LCP1: variants seen among roughly 807,000 people sequenced by gnomAD.
LCP1 encodes the protein lymphocyte cytosolic protein 1, also known as plastin-2.
Under a neutral mutation model 72.0 loss-of-function variants are expected in LCP1, and 23 were observed. The observed-to-expected ratio is 0.32, with a 90% CI of 0.23 to 0.45. LCP1 has a LOEUF of 0.45. Among genes scored for constraint, LCP1 ranks in the 20% least tolerant of loss-of-function variants. LCP1 has a pLI of 1.00. For synonymous variants in LCP1, 245 were observed against 275.4 expected, an observed-to-expected ratio of 0.89 and a Z score of 1.09; for missense variants, 571 against 748.3, an observed-to-expected ratio of 0.76 and a Z score of 2.76.
At chr13:46,137,164 C>A (rs2045669651) in intron 13 of LCP1, among the ~76,000 whole-genome samples, 1 of 149,788 alleles carries the variant, frequency 6.7e-6, no homozygotes, top group Admixed American at 6.7e-5. Flanking sequence ...AACTGAGATG[C>A]AGAGGTTTGA....
chr13:46,129,839 T>G (rs949946494), intron 15 of LCP1, among the ~76,000 whole-genome samples: 1 of 152,152 alleles, frequency 6.6e-6, no homozygotes, highest in African/African-American at 2.4e-5. Context: ...TTGCTGCAGA[T>G]GTAAGTAGTT....
rs2045937516 is a variant in LCP1, at chr13:46,177,584, A to G, written c.-25+4527T>C. ...GAACCCAGGAGGCGGAGGTTTCAGTAAGCCGAGATCACGCAACTGTACTCC... is the reference window on the plus strand; with the variant it reads ...GAACCCAGGAGGCGGAGGTTTCAGTGAGCCGAGATCACGCAACTGTACTCC... On this transcript the variant is annotated intron_variant, in intron 1 of 15. Transcript: ENST00000323076. Among the ~76,000 whole-genome samples, 5 of 152,184 alleles carry G rather than the reference A, an allele frequency of 3.3e-5. No homozygotes were observed. In the South Asian group the frequency reaches 1.0e-3, roughly 32 times the overall value.
chr13:46,153,730 A>G (rs2048707636), intron 6 of LCP1, among the ~76,000 whole-genome samples: 3 of 151,958 alleles, frequency 2.0e-5, no homozygotes, highest in Admixed American at 2.0e-4. Context: ...AACGAAAATG[A>G]AAAATAGATA....
intron 13 of LCP1, among the ~76,000 whole-genome samples, chr13:46,134,963 G>A (rs976207264): frequency 1.4e-4 from 21 of 152,022 alleles, no homozygotes; most frequent in Admixed American, 1.3e-4. Flanking sequence ...CAAAAAATTA[G>A]CTGGACATGG....
intron 12 of LCP1, chr13:46,142,803 C>A: frequency 2.1e-6 from 1 of 465,870 alleles, no homozygotes; most frequent in South Asian, 1.6e-5. Context: ...GCACACATAG[C>A]AAATGGACAT....
At chr13:46,156,325 T>C (rs2045800711) in intron 5 of LCP1, 113 bp downstream of exon 5, 1 of 1,248,776 alleles carries the variant, frequency 8.0e-7, no homozygotes, top group African/African-American at 1.5e-5. Flanking sequence ...CAGAAAAGCC[T>C]TCTAGGTGCA....
intron 13 of LCP1, among the ~76,000 whole-genome samples, chr13:46,134,880 G>A (rs1350613880): frequency 6.6e-6 from 1 of 152,044 alleles, no homozygotes; most frequent in East Asian, 1.9e-4. Context: ...AAGGTGAGCA[G>A]TTCACTTGAG....
At chr13:46,129,232 C>A (rs1031476372) in intron 15 of LCP1, among the ~76,000 whole-genome samples, 1 of 152,160 alleles carries the variant, frequency 6.6e-6, no homozygotes, top group Non-Finnish European at 1.5e-5. Flanking sequence ...TTGTATCTCG[C>A]CCTCACAGGA....
Position 46,144,456 on chromosome 13 carries a change from G to A in LCP1, c.1239C>T (p.Val413=). 1 of 1,612,880 alleles carries A rather than the reference G, an allele frequency of 6.2e-7. No individual in the cohort carries two copies. Among genetic ancestry groups the A allele is most frequent in the Non-Finnish European group, 8.5e-7 (1 of 1,178,884 alleles). The change falls in exon 11 of 16, where the codon GTC becomes GTT. Residue 413 remains valine, a synonymous_variant. Coordinates refer to ENST00000323076, the MANE Select transcript of LCP1 (RefSeq NM_002298.5). Reference sequence around the variant, plus strand: ...AATATTCCTACCTGTACAAATGATTGACTCGAGGGTTAACACCCAGGGAGT... The same window carrying A: ...AATATTCCTACCTGTACAAATGATTAACTCGAGGGTTAACACCCAGGGAGT... ...WMNSLGVNPR[V]NHLYSDLSDA... is the part of the protein sequence containing the mutation.
At chr13:46,153,117 A>G (rs2045779392) in intron 6 of LCP1, 172 bp from the exon 7 acceptor site, 2 of 614,732 alleles carry the variant, frequency 3.3e-6, no homozygotes. Flanking sequence ...AGAAGAGAAA[A>G]TCCAGTAACC....
intron 15 of LCP1, 46 bp downstream of exon 15, chr13:46,130,768 G>A (rs1328638923): frequency 6.2e-7 from 1 of 1,609,692 alleles, no homozygotes; most frequent in Non-Finnish European, 8.5e-7. Context: ...CCAGCTGCCA[G>A]TTGGGTCCTT....
At position 46,150,466 on chromosome 13, in the gene LCP1, A is replaced by G. The variant is rs113959894; in HGVS notation, c.882+470T>C. Among the ~76,000 whole-genome samples, 1,250 of 152,340 alleles carry G rather than the reference A, an allele frequency of 8.2e-3. 8 individuals are homozygous for G. The highest frequency in any genetic ancestry group is 0.012 in the Non-Finnish European group (847 of 68,024). ...CTCATGGGGTTGTTGTAAGGATTCA[A>G]TAAGAGAATACACATATAAATCAGT... On this transcript the variant is annotated intron_variant, in intron 8 of 15. Transcript: ENST00000323076.
chr13:46,158,609 T>C lies in LCP1; in HGVS notation c.271A>G (p.Arg91Gly). 1.2e-6 allele frequency: 2 copies of C among 1,614,238 alleles called. No individual in the cohort carries two copies. The highest frequency in any genetic ancestry group is 1.7e-6 in the Non-Finnish European group (2 of 1,180,036). ...CCTTCCTTCTTATTGATTGCTTTTCTAAAGGTCTTGGCAACATCTGTGCTT... is the reference window on the plus strand; with the variant it reads ...CCTTCCTTCTTATTGATTGCTTTTCCAAAGGTCTTGGCAACATCTGTGCTT... ...LKSTDVAKTF[R>G]KAINKKEGIC... The change falls in exon 4 of 16, where the codon AGA becomes GGA. Residue 91 changes from arginine (R) to glycine (G), a missense_variant. By Grantham distance (125) the Arg-to-Gly change is moderately radical. Coordinates refer to ENST00000323076, the MANE Select transcript of LCP1 (RefSeq NM_002298.5).
chr13:46,133,749 G>A (rs756936332), intron 14 of LCP1, among the ~76,000 whole-genome samples: 5 of 151,888 alleles, frequency 3.3e-5, no homozygotes, highest in African/African-American at 4.8e-5. Flanking sequence ...GAGGGAGGGA[G>A]GAGGACAAGG....
At chr13:46,152,161 TTTTC>T (rs1243354091) in intron 7 of LCP1, among the ~76,000 whole-genome samples, 3 of 152,154 alleles carry the variant, frequency 2.0e-5, no homozygotes, top group East Asian at 1.9e-4. Context: ...TTACCTTTCT[TTTTC>T]TTTCTTTCTT....
intron 12 of LCP1, chr13:46,142,850 A>C (rs1288422157): frequency 6.8e-6 from 3 of 438,376 alleles, no homozygotes; most frequent in Middle Eastern, 3.3e-4. Flanking sequence ...ATGGATCATT[A>C]ACAGTCACGG....
At chr13:46,148,782 C>A (rs1398168412) in intron 8 of LCP1, 2 of 870,288 alleles carry the variant, frequency 2.3e-6, no homozygotes, top group African/African-American at 3.7e-5. Context: ...ATATATATAC[C>A]TTTATATTGC....
In LCP1 at chr13:46,126,741, C is replaced by T. The variant is rs1316106415; in HGVS notation, c.*850G>A. The T allele has an allele frequency of 8.7e-6, 2 of 231,182 alleles. No individual in the cohort carries two copies. Among genetic ancestry groups the T allele is most frequent in the African/African-American group, 2.2e-5 (1 of 45,232 alleles). 14.3% of individuals were successfully genotyped at this position (231,182 alleles called of 1,614,324 possible). ...ATGCTTAGTTATAGCTCCATGCTGC[C>T]GCCGAGTGGCTTGATGCTCCATTAC... On this transcript the variant is annotated 3_prime_UTR_variant, in exon 16 of 16. Coordinates refer to ENST00000323076, the MANE Select transcript of LCP1 (RefSeq NM_002298.5).
Position 46,130,775 on chromosome 13 carries a change from C to T in LCP1, c.1751+39G>A, listed in dbSNP as rs755017589. On this transcript the variant is annotated intron_variant, in intron 15 of 15. Coordinates refer to ENST00000323076, the MANE Select transcript of LCP1 (RefSeq NM_002298.5). ...ACAACCATCCAGCTGCCAGTTGGGT[C>T]CTTCCCTCCCAATCTGAGGTTTATT... The T allele has an allele frequency of 6.2e-6, 10 of 1,611,222 alleles. No homozygotes were observed. In the South Asian group the frequency reaches 1.1e-4, roughly 18 times the overall value.
Sources: allele counts gnomAD v4.1 joint callset (sites outside exome capture counted in the v4.1 genomes callset), GRCh38; gene constraint gnomAD v4.1.1; transcripts MANE v1.5; gene names NCBI Gene and HGNC (gene_info 2026-07-23, HGNC 2026-07-21).